The following EYS variants were observed in gnomAD, a reference collection of about 807,000 sequenced individuals.
The protein encoded by EYS is EGF-like photoreceptor maintenance factor, also known as protein eyes shut homolog.
A neutral mutation model predicts 282.1 loss-of-function variants in EYS; 250 were observed. The ratio of observed to expected loss-of-function variants is 0.89; its 90% confidence interval spans 0.80 to 0.98. The LOEUF (loss-of-function observed/expected upper bound fraction) is 0.98. EYS is among the 50% of genes least tolerant of loss of function. EYS has a pLI of 0.00. For missense variants in EYS, 4,016 were observed against 3,709.0 expected, an observed-to-expected ratio of 1.08 and a Z score of -2.15; for synonymous variants, 1,355 against 1,282.9, an observed-to-expected ratio of 1.06 and a Z score of -1.20.
chr6:64,466,205 AT>A (rs2150488877), intron 26 of EYS, among the ~76,000 whole-genome samples: 1 of 152,234 alleles, frequency 6.6e-6, no homozygotes, highest in South Asian at 2.1e-4. Flanking sequence ...CCTCAAGAAA[AT>A]AAAAAATAGC....
chr6:64,815,191 A>G (rs768463335), intron 21 of EYS: 1 of 445,130 alleles, frequency 2.2e-6, no homozygotes, highest in Non-Finnish European at 4.5e-6. Context: ...GTTTTTATAA[A>G]CAAATCCTTT....
At chr6:65,207,379 A>T (rs1766063341) in intron 12 of EYS, among the ~76,000 whole-genome samples, 1 of 151,624 alleles carries the variant, frequency 6.6e-6, no homozygotes, top group Admixed American at 6.6e-5. Context: ...AAAATTGTAG[A>T]TGACACAACA....
intron 13 of EYS, among the ~76,000 whole-genome samples, chr6:65,006,052 C>T (rs1011309003): frequency 1.3e-5 from 2 of 151,944 alleles, no homozygotes; most frequent in African/African-American, 4.8e-5. Context: ...ACACTGTGTC[C>T]TTAGGCACCT....
At chr6:65,176,313 G>A (rs112745216) in intron 12 of EYS, among the ~76,000 whole-genome samples, 100 of 151,596 alleles carry the variant, frequency 6.6e-4, no homozygotes, top group African/African-American at 2.0e-3. Context: ...ATAGCTAAAT[G>A]TATACTTAAA....
chr6:63,824,797 C>G (rs944855033), intron 36 of EYS, among the ~76,000 whole-genome samples: 10 of 152,108 alleles, frequency 6.6e-5, no homozygotes, highest in Admixed American at 3.3e-4. Flanking sequence ...CCTGGCACCA[C>G]AGGGATCCAT....
intron 36 of EYS, among the ~76,000 whole-genome samples, chr6:63,815,502 A>G (rs1169941121): frequency 1.2e-4 from 18 of 152,192 alleles, no homozygotes; most frequent in Admixed American, 1.2e-3. Flanking sequence ...CCACAAATTG[A>G]CTATCTACCA....
At chr6:65,134,936 T>C (rs903565257) in intron 12 of EYS, among the ~76,000 whole-genome samples, 1 of 152,004 alleles carries the variant, frequency 6.6e-6, no homozygotes, top group Non-Finnish European at 1.5e-5. Context: ...TGGGAAGTTG[T>C]TGAGAAAATC....
intron 34 of EYS, among the ~76,000 whole-genome samples, chr6:63,996,799 T>G (rs1184159939): frequency 1.3e-5 from 2 of 152,146 alleles, no homozygotes; most frequent in African/African-American, 4.8e-5. Flanking sequence ...GAAAAGTGCT[T>G]AGAACAGTGT....
At chr6:64,323,582 T>C (rs1381832780) in intron 29 of EYS, among the ~76,000 whole-genome samples, 2 of 152,158 alleles carry the variant, frequency 1.3e-5, no homozygotes, top group Admixed American at 1.3e-4. Flanking sequence ...TTTGGGTTCA[T>C]GTTTCCCGAC....
chr6:65,201,890 A>C (rs979121231), intron 12 of EYS, among the ~76,000 whole-genome samples: 1 of 152,050 alleles, frequency 6.6e-6, no homozygotes, highest in Non-Finnish European at 1.5e-5. Flanking sequence ...AGGCAGGTAC[A>C]TCATTTGAGG....
At chr6:64,009,460 A>G (rs1001504644) in intron 33 of EYS, among the ~76,000 whole-genome samples, 2 of 150,694 alleles carry the variant, frequency 1.3e-5, no homozygotes, top group African/African-American at 4.9e-5. Context: ...ATTTTTTTGT[A>G]TTTTCAGTAG....
chr6:65,350,445 A>G (rs932044777), intron 9 of EYS, among the ~76,000 whole-genome samples: 1 of 151,562 alleles, frequency 6.6e-6, no homozygotes, highest in African/African-American at 2.4e-5. Context: ...TGCAATATCA[A>G]CTCACAAATG....
chr6:65,406,998 A>G (rs1450981938), intron 5 of EYS, among the ~76,000 whole-genome samples: 1 of 152,104 alleles, frequency 6.6e-6, no homozygotes, highest in Admixed American at 6.5e-5. Context: ...ATTTCTACAC[A>G]GAAGCCTGCT....
chr6:65,616,678 C>G (rs912521313), intron 2 of EYS, among the ~76,000 whole-genome samples: 1 of 151,462 alleles, frequency 6.6e-6, no homozygotes, highest in African/African-American at 2.4e-5. Context: ...CCTAGCTACT[C>G]GGAAGGCTGA....
chr6:65,297,933 TTG>T (rs1768711878), intron 11 of EYS, among the ~76,000 whole-genome samples: 1 of 152,040 alleles, frequency 6.6e-6, no homozygotes, highest in South Asian at 2.1e-4. Flanking sequence ...AGTGTTCTGA[TTG>T]GGGTGGTAGA....
intron 22 of EYS, among the ~76,000 whole-genome samples, chr6:64,663,787 T>G (rs1769129131): frequency 6.6e-6 from 1 of 152,162 alleles, no homozygotes; most frequent in South Asian, 2.1e-4. Context: ...GCAAGCCTCT[T>G]GCACTCTGAC....
chr6:64,688,288 G>T (rs575208463), intron 22 of EYS, among the ~76,000 whole-genome samples: 1 of 151,538 alleles, frequency 6.6e-6, no homozygotes, highest in African/African-American at 2.4e-5. Context: ...GTTTGCTCTT[G>T]CTTATCTAGT....
At chr6:64,758,877 G>A (rs747842812) in intron 22 of EYS, among the ~76,000 whole-genome samples, 8 of 152,172 alleles carry the variant, frequency 5.3e-5, no homozygotes, top group African/African-American at 1.9e-4. Context: ...AGTGGCTCAC[G>A]CCTGTAATCC....
chr6:65,532,685 G>C (rs1767817393), intron 2 of EYS, among the ~76,000 whole-genome samples: 2 of 152,108 alleles, frequency 1.3e-5, no homozygotes, highest in Admixed American at 6.6e-5. Flanking sequence ...TGGAGCACAG[G>C]TCTGACAAAT....
Sources: gnomAD v4.1 joint callset for allele counts (sites outside exome capture counted in the v4.1 genomes callset) on GRCh38, gnomAD v4.1.1 for gene constraint, MANE v1.5 for transcripts, NCBI Gene and HGNC (gene_info 2026-07-23, HGNC 2026-07-21) for gene names.